FAM178B: variants seen among roughly 807,000 people sequenced by gnomAD.
FAM178B encodes the protein family with sequence similarity 178 member B, also known as protein FAM178B.
Under a neutral mutation model 91.7 loss-of-function variants are expected in FAM178B, and 82 were observed. The observed-to-expected ratio is 0.89, with a 90% CI of 0.75 to 1.07. FAM178B has a LOEUF of 1.07. FAM178B is among the 50% of genes least tolerant of loss of function. The probability of loss-of-function intolerance (pLI) is 0.00; values close to 1 mark genes in which losing one functional copy is unlikely to be tolerated. For missense variants in FAM178B, 769 were observed against 846.7 expected, an observed-to-expected ratio of 0.91 and a Z score of 1.14; for synonymous variants, 368 against 359.4, an observed-to-expected ratio of 1.02 and a Z score of -0.27.
intron 12 of FAM178B, among the ~76,000 whole-genome samples, chr2:96,908,660 T>G (rs1377541031): frequency 6.6e-6 from 1 of 152,162 alleles, no homozygotes; most frequent in Non-Finnish European, 1.5e-5. Context: ...GCGGCAGACA[T>G]TCTGTCCCAT....
chr2:96,905,842 ATATATATATATATATATATTTTTTTTT>A lies in FAM178B; in HGVS notation c.1563-3162_1563-3136del, dbSNP rs1559064181. ...TGTATATATATATATATATATATAT[ATATATATATATATATATATTTTTTTTT>A]TTTTTTTTTTTTTTTTTTTGAGATG... is the stretch of plus-strand genomic sequence containing the variant. On this transcript the variant is annotated intron_variant, in intron 12 of 16. Coordinates refer to ENST00000490605, the MANE Select transcript of FAM178B (RefSeq NM_001122646.3). Among the ~76,000 whole-genome samples the A allele has an allele frequency of 5.5e-3, 154 of 28,002 alleles. 8 individuals are homozygous for A. The highest frequency in any genetic ancestry group is 0.016 in the African/African-American group (150 of 9,172). The allele number at this position is 28,002 out of a possible 152,430, so 18.4% of individuals were successfully genotyped here. A position where few individuals can be genotyped will look rare whatever the true frequency, so the allele number is the denominator to read the frequency against.
chr2:96,892,623 G>C (rs28687044), intron 14 of FAM178B, among the ~76,000 whole-genome samples: 38,474 of 152,168 alleles, frequency 0.25, 6,169 homozygotes, highest in South Asian at 0.67. Flanking sequence ...CTCTGTACCA[G>C]AGTGAGCCTG....
intron 12 of FAM178B, among the ~76,000 whole-genome samples, chr2:96,907,426 G>T (rs1361827297): frequency 1.3e-5 from 2 of 152,122 alleles, no homozygotes; most frequent in Non-Finnish European, 2.9e-5. Context: ...GACCCCACCT[G>T]GCAAGGCCTC....
intron 5 of FAM178B, among the ~76,000 whole-genome samples, chr2:96,962,235 G>C (rs1359946454): frequency 3.3e-5 from 5 of 152,240 alleles, no homozygotes; most frequent in Non-Finnish European, 7.4e-5. Context: ...CTGGGAGGTG[G>C]ATGTTGCGGT....
chr2:96,909,469 GC>G (rs1377656539), intron 12 of FAM178B, among the ~76,000 whole-genome samples: 1 of 152,158 alleles, frequency 6.6e-6, no homozygotes, highest in African/African-American at 2.4e-5. Flanking sequence ...TCCCGTGGCT[GC>G]CCCTTCCTGC....
chr2:96,960,527 G>T (rs570765256), intron 5 of FAM178B, 87 bp from the exon 6 acceptor site: 211 of 1,412,432 alleles, frequency 1.5e-4, no homozygotes, highest in Non-Finnish European at 1.7e-4. Flanking sequence ...AGGATAGAGG[G>T]GGGCCACGGG....
intron 9 of FAM178B, among the ~76,000 whole-genome samples, 153 bp downstream of exon 9, chr2:96,929,053 G>A (rs1227716766): frequency 2.0e-5 from 3 of 152,192 alleles, no homozygotes; most frequent in Admixed American, 1.3e-4. Context: ...AGCTACTCAG[G>A]AGGCTGAGGT....
intron 9 of FAM178B, among the ~76,000 whole-genome samples, chr2:96,924,300 C>T (rs747700722): frequency 5.9e-5 from 9 of 152,198 alleles, no homozygotes; most frequent in Admixed American, 1.3e-4. Context: ...GTAGCTGACA[C>T]GGGCTGGCTC....
chr2:96,944,595 A>C (rs1313310827), intron 8 of FAM178B, among the ~76,000 whole-genome samples: 2 of 152,216 alleles, frequency 1.3e-5, no homozygotes, highest in African/African-American at 2.4e-5. Flanking sequence ...AGACACATGC[A>C]GAATCCAGAG....
intron 13 of FAM178B, among the ~76,000 whole-genome samples, chr2:96,900,056 G>A (rs1574215201): frequency 6.6e-6 from 1 of 152,004 alleles, no homozygotes; most frequent in East Asian, 1.9e-4. Context: ...ATGCACAGCT[G>A]CTGGCCAAGA....
intron 5 of FAM178B, among the ~76,000 whole-genome samples, chr2:96,961,312 G>GT (rs1553508277): frequency 1.4e-5 from 2 of 146,756 alleles, no homozygotes; most frequent in Non-Finnish European, 3.0e-5. Context: ...AGCAGCAGAG[G>GT]GTGTGTGTGT....
chr2:96,913,472 G>A (rs1425380381), intron 12 of FAM178B, among the ~76,000 whole-genome samples: 1 of 152,172 alleles, frequency 6.6e-6, no homozygotes, highest in African/African-American at 2.4e-5. Context: ...AGGGGAGAAG[G>A]AAAGGTGGGG....
At chr2:96,899,438 G>A (rs1439917500) in intron 13 of FAM178B, among the ~76,000 whole-genome samples, 1 of 152,150 alleles carries the variant, frequency 6.6e-6, no homozygotes, top group African/African-American at 2.4e-5. Flanking sequence ...GTGCATGGTG[G>A]GCATGCAGCA....
At position 96,921,461 on chromosome 2, in the gene FAM178B, C is replaced by T. The variant is rs928840479; in HGVS notation, c.1464+17G>A. ...GTGATGAAGCTGTATGAGGACCAGGCTCTGGGCGTCTAGTACCTTCCCTGG... is the reference window on the plus strand; with the variant it reads ...GTGATGAAGCTGTATGAGGACCAGGTTCTGGGCGTCTAGTACCTTCCCTGG... On this transcript the variant is annotated intron_variant, in intron 11 of 16. Coordinates refer to ENST00000490605, the MANE Select transcript of FAM178B (RefSeq NM_001122646.3). 2 of 1,551,470 alleles carry T rather than the reference C, an allele frequency of 1.3e-6. No homozygotes were observed. The highest frequency in any genetic ancestry group is 1.4e-5 in the African/African-American group (1 of 73,018).
intron 5 of FAM178B, among the ~76,000 whole-genome samples, chr2:96,963,568 CA>C (rs1258287068): frequency 6.6e-6 from 1 of 152,192 alleles, no homozygotes; most frequent in African/African-American, 2.4e-5. Context: ...TCTCTTTGTC[CA>C]CCTGGGACGG....
rs1474392938 is a variant in FAM178B, at chr2:96,951,457, G to A, written c.915C>T (p.Phe305=). 2 of 1,551,702 alleles carry A rather than the reference G, an allele frequency of 1.3e-6. No individual in the cohort carries two copies. The highest frequency in any genetic ancestry group is 1.7e-6 in the Non-Finnish European group (2 of 1,146,952). ...GGATGTTCAGGAGGCCACTGCGCAG[G>A]AAGGAGAGCTGTTGGGCTGGCGGGG... ...LSSPPAQQLS[F]LRSGLLNILY... Residue 305 remains phenylalanine (F), a synonymous_variant, in exon 7 of 17, where the codon TTC becomes TTT. Coordinates refer to ENST00000490605, the MANE Select transcript of FAM178B (RefSeq NM_001122646.3).
chr2:96,938,110 A>G (rs1435608331), intron 8 of FAM178B, among the ~76,000 whole-genome samples: 2 of 152,184 alleles, frequency 1.3e-5, no homozygotes, highest in Non-Finnish European at 2.9e-5. Flanking sequence ...GTGGGGGTTG[A>G]GAGTCCTGAG....
chr2:96,933,099 C>T (rs967013058), intron 8 of FAM178B, among the ~76,000 whole-genome samples: 47 of 151,728 alleles, frequency 3.1e-4, no homozygotes, highest in African/African-American at 9.9e-4. Context: ...AAAAATTAGC[C>T]GGGCGTGGTA....
intron 8 of FAM178B, among the ~76,000 whole-genome samples, chr2:96,933,015 C>G (rs1485415081): frequency 6.8e-6 from 1 of 147,586 alleles, no homozygotes; most frequent in Non-Finnish European, 1.5e-5. Flanking sequence ...GAGGCTCAGG[C>G]GGGCAGATCA....
Sources: allele counts gnomAD v4.1 joint callset (sites outside exome capture counted in the v4.1 genomes callset), GRCh38; gene constraint gnomAD v4.1.1; transcripts MANE v1.5; gene names NCBI Gene and HGNC (gene_info 2026-07-23, HGNC 2026-07-21).